Variants in NUP93 observed in about 807,000 individuals in gnomAD.
NUP93 encodes nuclear pore complex protein Nup93.
In NUP93, 55 loss-of-function variants were observed where a neutral mutation model predicts 107.8. The observed-to-expected ratio is 0.51, with a 90% CI of 0.41 to 0.64. The LOEUF is 0.64. Ranked by LOEUF, NUP93 falls within the 30% of genes least tolerant of loss-of-function variation. The pLI, the probability that NUP93 is intolerant of heterozygous loss-of-function variation, is 0.00. For synonymous variants in NUP93, 390 were observed against 397.5 expected, an observed-to-expected ratio of 0.98 and a Z score of 0.22; for missense variants, 937 against 1,044.7, an observed-to-expected ratio of 0.90 and a Z score of 1.42.
intron 9 of NUP93, among the ~76,000 whole-genome samples, chr16:56,829,912 G>A (rs1963745403): frequency 6.6e-6 from 1 of 152,214 alleles, no homozygotes; most frequent in African/African-American, 2.4e-5. Flanking sequence ...TACTTCTGGA[G>A]GAGTTGAAGA....
At chr16:56,829,878 T>G (rs1169246167) in intron 9 of NUP93, among the ~76,000 whole-genome samples, 1 of 152,090 alleles carries the variant, frequency 6.6e-6, no homozygotes, top group Non-Finnish European at 1.5e-5. Context: ...AGGGTGGAAG[T>G]GCCAAGATAG....
intron 3 of NUP93, among the ~76,000 whole-genome samples, chr16:56,766,918 C>T (rs1338754407): frequency 6.6e-6 from 1 of 152,164 alleles, no homozygotes; most frequent in Non-Finnish European, 1.5e-5. Flanking sequence ...GGGTAACATC[C>T]CCTACTGACA....
In NUP93 at chr16:56,846,000, G is replaced by C. The variant is rs1964112023; in HGVS notation, c.*1391G>C. On this transcript the variant is annotated 3_prime_UTR_variant, in exon 22 of 22. Coordinates refer to ENST00000308159, the MANE Select transcript of NUP93 (RefSeq NM_014669.5). The stretch of plus-strand genomic sequence containing the variant: ...TCACCCTGGAGGACTGTCTTCAATT[G>C]AGCTTTACTAGAAAGTCTTGAAACA... 2 of 152,150 alleles carry C rather than the reference G, an allele frequency of 1.3e-5. No individual in the cohort carries two copies. Among genetic ancestry groups the C allele is most frequent in the African/African-American group, 4.8e-5 (2 of 41,408 alleles). The allele number at this position is 152,150 out of a possible 1,614,324, so 9.4% of individuals were successfully genotyped here. A position where few individuals can be genotyped will look rare whatever the true frequency, so the allele number is the denominator to read the frequency against.
rs1567417577 is a variant in NUP93 at position 56,846,385 on chromosome 16, G to C, written c.*1776G>C. 6.6e-6 allele frequency: 1 copy of C among 151,596 alleles called. No homozygotes were observed. The highest frequency in any genetic ancestry group is 1.5e-5 in the Non-Finnish European group (1 of 67,978). The allele number at this position is 151,596 out of a possible 1,614,324, so 9.4% of individuals were successfully genotyped here. A position where few individuals can be genotyped will look rare whatever the true frequency, so the allele number is the denominator to read the frequency against. ...ATCATGCCACTGCACTCCAGCCTGG[G>C]TGAAAGAGCGATACTCCGTCTCAAA... On this transcript the variant is annotated 3_prime_UTR_variant, in exon 22 of 22. Coordinates refer to ENST00000308159, the MANE Select transcript of NUP93 (RefSeq NM_014669.5).
chr16:56,792,157 G>A (rs1286851178), intron 3 of NUP93, among the ~76,000 whole-genome samples: 2 of 152,086 alleles, frequency 1.3e-5, no homozygotes, highest in Non-Finnish European at 2.9e-5. Flanking sequence ...TCCAGCCTGG[G>A]CAACAGGGTG....
In NUP93 at chr16:56,846,273, TG is replaced by T. The variant is rs1300298148; in HGVS notation, c.*1666del. 1 of 152,012 alleles carries T rather than the reference TG, an allele frequency of 6.6e-6. No individual in the cohort carries two copies. 9.4% of individuals were successfully genotyped at this position (152,012 alleles called of 1,614,324 possible). On this transcript the variant is annotated 3_prime_UTR_variant, in exon 22 of 22. Coordinates refer to ENST00000308159, the MANE Select transcript of NUP93 (RefSeq NM_014669.5). ...TAAAAATACAAAAATTAGCCGGGCA[TG>T]GTGGCAGGCACCTGTAATCCCAGCT...
At position 56,818,804 on chromosome 16, in the gene NUP93, A is replaced by G. The variant is rs1421169393; in HGVS notation, c.564+66A>G. The G allele has an allele frequency of 3.7e-6, 5 of 1,359,318 alleles. No individual in the cohort carries two copies. The African/African-American group carries it at 5.8e-5, about 16-fold the overall frequency. 84.2% of individuals were successfully genotyped at this position (1,359,318 alleles called of 1,614,324 possible). A position where few individuals can be genotyped will look rare whatever the true frequency, so the allele number is the denominator to read the frequency against. On this transcript the variant is annotated intron_variant, in intron 6 of 21. Coordinates refer to ENST00000308159, the MANE Select transcript of NUP93 (RefSeq NM_014669.5). ...TTGTGAACCTCTAGGGAGTAAAAGGAAACAAAAACTTGTAAAAGTCAAACC... is the reference window on the plus strand; with the variant it reads ...TTGTGAACCTCTAGGGAGTAAAAGGGAACAAAAACTTGTAAAAGTCAAACC...
chr16:56,790,636 A>G (rs1396206226), intron 3 of NUP93, among the ~76,000 whole-genome samples: 3 of 152,186 alleles, frequency 2.0e-5, no homozygotes, highest in Admixed American at 6.5e-5. Flanking sequence ...GAGGTCATTC[A>G]TTTGTTCAGA....
rs1963976790 is a variant in NUP93, at chr16:56,839,386, CT to C, written c.2137-132del. 1.5e-5 allele frequency: 9 copies of C among 604,600 alleles called. No individual in the cohort carries two copies. The South Asian group carries it at 2.4e-4, about 16-fold the overall frequency. 37.5% of individuals were successfully genotyped at this position (604,600 alleles called of 1,614,324 possible). On this transcript the variant is annotated intron_variant, in intron 19 of 21. Coordinates refer to ENST00000308159, the MANE Select transcript of NUP93 (RefSeq NM_014669.5). Reference sequence around the variant, plus strand: ...TAAGTTAGCTAGTTAGAATCAAAGCCTTTGTGTGTACAAGGAGGAATGGCGT... The same window carrying C: ...TAAGTTAGCTAGTTAGAATCAAAGCCTTGTGTGTACAAGGAGGAATGGCGT...
chr16:56,829,251 A>C (rs1325416115), intron 9 of NUP93, 142 bp downstream of exon 9: 1 of 1,019,548 alleles, frequency 9.8e-7, no homozygotes, highest in Non-Finnish European at 1.4e-6. Context: ...GAAGGTAAAG[A>C]CCTCTTAGGA....
Position 56,805,343 on chromosome 16 carries a change from C to A in NUP93, c.361-161C>A, listed in dbSNP as rs1263646647. ...GATTACAGGTGTAAACCACCACGCTCAGCCAGTAAATTCTTCAAAGATAAT... is the reference window on the plus strand; with the variant it reads ...GATTACAGGTGTAAACCACCACGCTAAGCCAGTAAATTCTTCAAAGATAAT... On this transcript the variant is annotated intron_variant, in intron 4 of 21. Transcript: ENST00000308159. 6.7e-6 allele frequency: 5 copies of A among 742,406 alleles called. No homozygotes were observed. In the African/African-American group the frequency reaches 8.9e-5, roughly 13 times the overall value. 46.0% of individuals were successfully genotyped at this position (742,406 alleles called of 1,614,324 possible). A position where few individuals can be genotyped will look rare whatever the true frequency, so the allele number is the denominator to read the frequency against.
At chr16:56,769,813 T>C (rs1254387775) in intron 3 of NUP93, among the ~76,000 whole-genome samples, 2 of 152,236 alleles carry the variant, frequency 1.3e-5, no homozygotes, top group Admixed American at 6.5e-5. Context: ...TGTTGACTTA[T>C]TTGTAGGTTT....
intron 1 of NUP93, among the ~76,000 whole-genome samples, chr16:56,732,099 C>G (rs1001539926): frequency 6.6e-6 from 1 of 152,214 alleles, no homozygotes; most frequent in Non-Finnish European, 1.5e-5. Context: ...AGTTTGCACT[C>G]ACTTCTTCCA....
intron 20 of NUP93, chr16:56,840,085 A>G: frequency 6.1e-6 from 1 of 163,084 alleles, no homozygotes; most frequent in Non-Finnish European, 1.3e-5. Context: ...CAGTGGTGTG[A>G]TCTTGGCTCA....
chr16:56,793,429 G>A (rs770306632), intron 3 of NUP93, among the ~76,000 whole-genome samples: 3 of 152,184 alleles, frequency 2.0e-5, no homozygotes, highest in African/African-American at 7.2e-5. Flanking sequence ...ACCAGTGGGA[G>A]GTGAACTGTT....
At chr16:56,823,921 C>A in intron 8 of NUP93, 75 bp downstream of exon 8, 1 of 1,555,576 alleles carries the variant, frequency 6.4e-7, no homozygotes, top group Non-Finnish European at 8.7e-7. Context: ...CTTAAGTTGT[C>A]CTCAGGCTAG....
At chr16:56,751,211 C>A (rs73555563) in intron 2 of NUP93, among the ~76,000 whole-genome samples, 20,013 of 152,038 alleles carry the variant, frequency 0.13, 1,416 homozygotes, top group Middle Eastern at 0.18. Flanking sequence ...CTCTTTCTCC[C>A]TAACTTTGTC....
At chr16:56,788,282 G>A (rs868752784) in intron 3 of NUP93, among the ~76,000 whole-genome samples, 1 of 152,132 alleles carries the variant, frequency 6.6e-6, no homozygotes, top group Non-Finnish European at 1.5e-5. Context: ...GCTGCATCAC[G>A]GCCCTTCTCA....
chr16:56,843,962 G>A (rs1431236380), intron 21 of NUP93, among the ~76,000 whole-genome samples: 2 of 152,220 alleles, frequency 1.3e-5, no homozygotes, highest in African/African-American at 2.4e-5. Flanking sequence ...GAAGGGCTAA[G>A]CATGTATGTC....
Sources: gnomAD v4.1 joint callset for allele counts (sites outside exome capture counted in the v4.1 genomes callset) on GRCh38, gnomAD v4.1.1 for gene constraint, MANE v1.5 for transcripts, NCBI Gene and HGNC (gene_info 2026-07-23, HGNC 2026-07-21) for gene names.